Variants in SH3KBP1 observed in about 807,000 individuals in gnomAD.
SH3KBP1 encodes the protein SH3 domain containing kinase binding protein 1.
SH3KBP1 carries 8 observed loss-of-function variants against 50.1 expected under a neutral mutation model. The observed-to-expected ratio is 0.16, with a 90% CI of 0.09 to 0.29. The LOEUF is 0.29. SH3KBP1 is among the 10% of genes least tolerant of loss of function. The probability of loss-of-function intolerance (pLI) is 1.00; values close to 1 mark genes in which losing one functional copy is unlikely to be tolerated. For synonymous variants in SH3KBP1, 227 were observed against 218.6 expected (o/e 1.04, Z -0.34); for missense variants, 377 against 535.2 (o/e 0.70, Z 2.92).
At chrX:19,574,445 T>C (rs773135245) in intron 12 of SH3KBP1, among the ~76,000 whole-genome samples, 1 of 112,846 alleles carries the variant, frequency 8.9e-6, no homozygotes, top group East Asian at 2.8e-4. Flanking sequence ...CTTGATATAG[T>C]GTGGATGACT....
chrX:19,794,863 T>C (rs2066663937), intron 2 of SH3KBP1, among the ~76,000 whole-genome samples: 1 of 111,558 alleles, frequency 9.0e-6, no homozygotes, highest in African/African-American at 3.3e-5. Flanking sequence ...CTTCCATTCA[T>C]TCAGCAAATC....
rs1285188233 is a variant in SH3KBP1 at position 19,632,049 on chromosome X, G to A, written c.803-91C>T. On this transcript the variant is annotated intron_variant, in intron 7 of 17. Transcript: ENST00000397821. Reference sequence around the variant, plus strand: ...TGATCTCTATCACATTAAGTTCAGGGAAAGGCACACTTAACAGGTAGCATA... The same window carrying A: ...TGATCTCTATCACATTAAGTTCAGGAAAAGGCACACTTAACAGGTAGCATA... 6 of 508,008 alleles carry A rather than the reference G, an allele frequency of 1.2e-5. No individual in the cohort carries two copies. In the Admixed American group the frequency reaches 1.5e-4, roughly 12 times the overall value. 41.9% of individuals were successfully genotyped at this position (508,008 alleles called of 1,213,427 possible).
intron 4 of SH3KBP1, 104 bp from the exon 5 acceptor site, chrX:19,695,845 C>G: frequency 4.1e-6 from 3 of 730,973 alleles, no homozygotes; most frequent in Non-Finnish European, 4.0e-6. Flanking sequence ...AGAGCCCACA[C>G]AGGGAGACTG....
At position 19,838,878 on chromosome X, in the gene SH3KBP1, C is replaced by T. The variant is rs1217083871; in HGVS notation, c.5-2596G>A. ...CTCCAGCCTGGGGAAAAGAGCGAAA[C>T]TTTGTCTCAAAAAAAAAAAAAAAAA... On this transcript the variant is annotated intron_variant, in intron 1 of 17. Transcript: ENST00000397821. 4.2e-5 allele frequency among the ~76,000 whole-genome samples: 3 copies of T among 70,975 alleles called. No homozygotes were observed. The Admixed American group carries it at 5.8e-4, about 14-fold the overall frequency. The allele number at this position is 70,975 out of a possible 115,157, so 61.6% of individuals were successfully genotyped here.
chrX:19,781,344 A>G (rs778882799), intron 2 of SH3KBP1, among the ~76,000 whole-genome samples: 4 of 111,265 alleles, frequency 3.6e-5, no homozygotes, highest in Non-Finnish European at 7.5e-5. Flanking sequence ...TAGGCCAAGC[A>G]TGGTGGCTCA....
intron 1 of SH3KBP1, among the ~76,000 whole-genome samples, chrX:19,861,986 C>T (rs952598818): frequency 5.4e-5 from 6 of 112,070 alleles, no homozygotes; most frequent in Admixed American, 9.5e-5. Context: ...TGCTCTTGAC[C>T]GCTTTTGCTT....
At chrX:19,648,779 C>T (rs183996592) in intron 6 of SH3KBP1, among the ~76,000 whole-genome samples, 2 of 111,229 alleles carry the variant, frequency 1.8e-5, no homozygotes, top group Admixed American at 9.6e-5. Flanking sequence ...ACACCACACA[C>T]CTTTCCAAAC....
At chrX:19,765,642 G>A (rs769563211) in intron 2 of SH3KBP1, among the ~76,000 whole-genome samples, 1 of 111,763 alleles carries the variant, frequency 8.9e-6, no homozygotes, top group South Asian at 3.8e-4. Flanking sequence ...CAGTCACATT[G>A]TGCAAAAGAT....
At chrX:19,613,474 C>G (rs1028584419) in intron 8 of SH3KBP1, among the ~76,000 whole-genome samples, 1 of 111,918 alleles carries the variant, frequency 8.9e-6, no homozygotes. Context: ...GAAAGTAGAC[C>G]TAAACCCTTA....
At chrX:19,669,890 AT>A (rs35848210) in intron 6 of SH3KBP1, among the ~76,000 whole-genome samples, 2,592 of 102,297 alleles carry the variant, frequency 0.025, 75 homozygotes, top group African/African-American at 0.083. Context: ...TGGCCACGCT[AT>A]TTTTTTTTTT....
At chrX:19,834,773 T>C (rs1277891491) in intron 2 of SH3KBP1, among the ~76,000 whole-genome samples, 1 of 111,490 alleles carries the variant, frequency 9.0e-6, no homozygotes, top group Non-Finnish European at 1.9e-5. Flanking sequence ...CTCACACCTG[T>C]AATCCCAGCA....
chrX:19,799,636 T>C (rs781324384), intron 2 of SH3KBP1: 1 of 1,209,087 alleles, frequency 8.3e-7, no homozygotes, highest in East Asian at 3.0e-5. Flanking sequence ...CTACTTACAA[T>C]CTCAGACAAG....
intron 1 of SH3KBP1, among the ~76,000 whole-genome samples, chrX:19,883,633 G>A (rs1385361426): frequency 1.8e-5 from 2 of 111,598 alleles, no homozygotes; most frequent in African/African-American, 6.5e-5. Flanking sequence ...CTGTTGAACA[G>A]AAACAATTCC....
chrX:19,649,443 A>T (rs889277484), intron 6 of SH3KBP1, among the ~76,000 whole-genome samples: 5 of 111,280 alleles, frequency 4.5e-5, no homozygotes, highest in African/African-American at 6.5e-5. Flanking sequence ...AAGGATGTGC[A>T]TGTGGTTGGA....
At chrX:19,698,796 G>A (rs2063480213) in intron 4 of SH3KBP1, among the ~76,000 whole-genome samples, 1 of 111,995 alleles carries the variant, frequency 8.9e-6, no homozygotes, top group Admixed American at 9.4e-5. Context: ...AACTTCCTGT[G>A]TAAAGACGAG....
intron 2 of SH3KBP1, among the ~76,000 whole-genome samples, chrX:19,774,654 A>G (rs6633306): frequency 6.5e-5 from 5 of 77,277 alleles, no homozygotes; most frequent in Admixed American, 3.2e-4. Context: ...GTCTCAAAAA[A>G]AAAGAAAGAA....
intron 4 of SH3KBP1, 95 bp downstream of exon 4, chrX:19,706,786 C>T: frequency 3.1e-6 from 2 of 644,346 alleles, no homozygotes; most frequent in Non-Finnish European, 4.9e-6. Flanking sequence ...GGCCAAACAG[C>T]CTGTGAGTCT....
intron 6 of SH3KBP1, among the ~76,000 whole-genome samples, chrX:19,669,229 G>C (rs1012614659): frequency 9.6e-6 from 1 of 104,247 alleles, no homozygotes; most frequent in Non-Finnish European, 2.0e-5. Context: ...GCCTCCCAAA[G>C]TGCTGGGATT....
At chrX:19,605,965 G>A (rs992823695) in intron 9 of SH3KBP1, among the ~76,000 whole-genome samples, 3 of 111,784 alleles carry the variant, frequency 2.7e-5, no homozygotes, top group Non-Finnish European at 5.6e-5. Context: ...AGGGAAGCTC[G>A]CCAAGATACC....
Sources: allele counts gnomAD v4.1 joint callset (sites outside exome capture counted in the v4.1 genomes callset), GRCh38; gene constraint gnomAD v4.1.1; transcripts MANE v1.5; gene names NCBI Gene and HGNC (gene_info 2026-07-23, HGNC 2026-07-21).